ZDHHC8: variants seen among roughly 807,000 people sequenced by gnomAD.
ZDHHC8 encodes the protein palmitoyltransferase ZDHHC8.
ZDHHC8 carries 24 observed loss-of-function variants against 61.2 expected under a neutral mutation model. The observed-to-expected ratio is 0.39, with a 90% CI of 0.28 to 0.55. ZDHHC8 has a LOEUF of 0.55. Among genes scored for constraint, ZDHHC8 ranks in the 20% least tolerant of loss-of-function variants. The pLI, the probability that ZDHHC8 is intolerant of heterozygous loss-of-function variation, is 0.60. For missense variants in ZDHHC8, 935 were observed against 1,102.1 expected, an observed-to-expected ratio of 0.85 and a Z score of 2.15; for synonymous variants, 523 against 492.5, an observed-to-expected ratio of 1.06 and a Z score of -0.82.
intron 1 of ZDHHC8, among the ~76,000 whole-genome samples, chr22:20,134,593 T>C (rs1238480405): frequency 1.3e-5 from 2 of 152,236 alleles, no homozygotes; most frequent in Non-Finnish European, 2.9e-5. Context: ...CTTCACTGTT[T>C]GCTCCTCGGA....
rs2050537074 is a variant in ZDHHC8 at position 20,147,308 on chromosome 22, T to C, written c.*1908T>C. The C allele has an allele frequency of 1.6e-5, 22 of 1,334,582 alleles. No homozygotes were observed. Among genetic ancestry groups the C allele is most frequent in the Non-Finnish European group, 2.1e-5 (21 of 1,022,944 alleles). 82.7% of individuals were successfully genotyped at this position (1,334,582 alleles called of 1,614,324 possible). A position where few individuals can be genotyped will look rare whatever the true frequency, so the allele number is the denominator to read the frequency against. ...CAGGAGGTCAGACTGCAGTGGACCC[T>C]GGGGCAGGGCTGGGGGTGGGCTGGG... On this transcript the variant is annotated 3_prime_UTR_variant, in exon 11 of 11. Transcript: ENST00000334554.
At chr22:20,137,345 C>T (rs888259799) in intron 1 of ZDHHC8, among the ~76,000 whole-genome samples, 50 of 152,248 alleles carry the variant, frequency 3.3e-4, no homozygotes, top group African/African-American at 1.1e-3. Flanking sequence ...GATGGGCGAA[C>T]ACACCCCCAA....
At chr22:20,135,237 C>T (rs1244669566) in intron 1 of ZDHHC8, among the ~76,000 whole-genome samples, 2 of 152,142 alleles carry the variant, frequency 1.3e-5, no homozygotes, top group East Asian at 3.9e-4. Context: ...GATCACTGCT[C>T]CCGGCCCCTT....
chr22:20,136,744 T>C (rs985906382), intron 1 of ZDHHC8, among the ~76,000 whole-genome samples: 1 of 152,220 alleles, frequency 6.6e-6, no homozygotes, highest in African/African-American at 2.4e-5. Flanking sequence ...TATGCAGACA[T>C]GATTGCATGT....
chr22:20,146,259 A>G lies in ZDHHC8; in HGVS notation c.*859A>G. 1 of 985,528 alleles carries G rather than the reference A, an allele frequency of 1.0e-6. No homozygotes were observed. The highest frequency in any genetic ancestry group is 1.2e-6 in the Non-Finnish European group (1 of 829,916). 61.0% of individuals were successfully genotyped at this position (985,528 alleles called of 1,614,324 possible). A position where few individuals can be genotyped will look rare whatever the true frequency, so the allele number is the denominator to read the frequency against. ...AAACTGGAGAACCCCACCCCAAGGC[A>G]TGCCACGTCCGCAGCCCCGGCCTGG... On this transcript the variant is annotated 3_prime_UTR_variant, in exon 11 of 11. Transcript: ENST00000334554.
intron 1 of ZDHHC8, among the ~76,000 whole-genome samples, chr22:20,133,884 G>A (rs1192821525): frequency 6.6e-6 from 1 of 152,212 alleles, no homozygotes; most frequent in Non-Finnish European, 1.5e-5. Context: ...GCTGTGTGGT[G>A]GCTGCAGCTG....
Position 20,143,673 on chromosome 22 carries a change from C to T in ZDHHC8, c.2043C>T (p.His681=), listed in dbSNP as rs2050496691. 1.9e-6 allele frequency: 3 copies of T among 1,609,842 alleles called. No homozygotes were observed. The highest frequency in any genetic ancestry group is 2.7e-5 in the African/African-American group (2 of 75,016). The change falls in exon 10 of 11, where the codon CAC becomes CAT. Residue 681 remains histidine, a synonymous_variant. Transcript: ENST00000334554. ...TGCCCTCCCCGCCCGGCACTCCCCA[C>T]TCACCATCCTACGCGGGCCCCAAAG... The part of the protein sequence containing the change: ...QGLPSPPGTP[H]SPSYAGPKAV...
chr22:20,131,820 T>TCCGCCGCCG lies in ZDHHC8; in HGVS notation c.-111_-103dup, dbSNP rs545014283. On this transcript the variant is annotated 5_prime_UTR_variant, in exon 1 of 11. Coordinates refer to ENST00000334554, the MANE Select transcript of ZDHHC8 (RefSeq NM_013373.4). ...CCGCCGCCCGTGGGGTGGGATTTCCTCCGCCGCCGCCGCCGCCGCCGCCGC... is the reference window on the plus strand; with the variant it reads ...CCGCCGCCCGTGGGGTGGGATTTCCTCCGCCGCCGCCGCCGCCGCCGCCGCCGCCGCCGC... 1.3e-4 allele frequency: 35 copies of TCCGCCGCCG among 260,030 alleles called. No individual in the cohort carries two copies. Among genetic ancestry groups the TCCGCCGCCG allele is most frequent in the East Asian group, 1.7e-4 (1 of 5,788 alleles). The allele number at this position is 260,030 out of a possible 1,614,324, so 16.1% of individuals were successfully genotyped here.
Position 20,147,170 on chromosome 22 carries a change from G to A in ZDHHC8, c.*1770G>A. 1 of 1,529,324 alleles carries A rather than the reference G, an allele frequency of 6.5e-7. No homozygotes were observed. Among genetic ancestry groups the A allele is most frequent in the Admixed American group, 2.1e-5 (1 of 48,060 alleles). 94.7% of individuals were successfully genotyped at this position (1,529,324 alleles called of 1,614,324 possible). ...CAGGCCGCCGGGGCACCCCCACGCG[G>A]GGCCATGTGCCGCCTGCACTTGGCT... is the stretch of plus-strand genomic sequence containing the variant. On this transcript the variant is annotated 3_prime_UTR_variant, in exon 11 of 11. Transcript: ENST00000334554.
At chr22:20,132,882 C>T (rs1568990165) in intron 1 of ZDHHC8, among the ~76,000 whole-genome samples, 1 of 152,224 alleles carries the variant, frequency 6.6e-6, no homozygotes, top group East Asian at 1.9e-4. Flanking sequence ...GTTGGGGGCT[C>T]CAGGCTTCGG....
chr22:20,147,176 T>C lies in ZDHHC8; in HGVS notation c.*1776T>C. On this transcript the variant is annotated 3_prime_UTR_variant, in exon 11 of 11. Coordinates refer to ENST00000334554, the MANE Select transcript of ZDHHC8 (RefSeq NM_013373.4). The stretch of plus-strand genomic sequence containing the variant: ...GCCGGGGCACCCCCACGCGGGGCCA[T>C]GTGCCGCCTGCACTTGGCTGCCTCC... 3.3e-6 allele frequency: 5 copies of C among 1,524,890 alleles called. No individual in the cohort carries two copies. The highest frequency in any genetic ancestry group is 4.4e-6 in the Non-Finnish European group (5 of 1,135,648). The allele number at this position is 1,524,890 out of a possible 1,614,324, so 94.5% of individuals were successfully genotyped here.
At chr22:20,132,812 C>A (rs933691704) in intron 1 of ZDHHC8, among the ~76,000 whole-genome samples, 5 of 152,262 alleles carry the variant, frequency 3.3e-5, no homozygotes, top group Non-Finnish European at 5.9e-5. Flanking sequence ...GGCATGCGGA[C>A]AGCACAGCCT....
rs768225071 is a variant in ZDHHC8, at chr22:20,143,412, C to G, written c.1782C>G (p.Ser594=). ...SYSLQQASVL[S]EGPRGPALRY... ...GCCTGCAGCAGGCCAGTGTGCTGTCCGAGGGCCCCCGAGGTCCCGCGCTGC... is the reference window on the plus strand; with the variant it reads ...GCCTGCAGCAGGCCAGTGTGCTGTCGGAGGGCCCCCGAGGTCCCGCGCTGC... Residue 594 remains serine (S), a synonymous_variant, in exon 10 of 11, where the codon TCC becomes TCG. Transcript: ENST00000334554. The G allele has an allele frequency of 6.3e-7, 1 of 1,591,156 alleles. No homozygotes were observed. The highest frequency in any genetic ancestry group is 8.5e-7 in the Non-Finnish European group (1 of 1,173,950).
In ZDHHC8 at chr22:20,140,133, G is replaced by C. The variant is rs1465782756; in HGVS notation, c.576G>C (p.Val192=). The part of the protein sequence containing the change: ...HTTITMAVMC[V]AGLFFIPVIG... ...GGGCTAGCATGGCTGTCATGTGTGT[G>C]GCCGGCCTCTTCTTCATCCCTGTCA... The change falls in exon 5 of 11, where the codon GTG becomes GTC. Residue 192 remains valine (V), a synonymous_variant. Coordinates refer to ENST00000334554, the MANE Select transcript of ZDHHC8 (RefSeq NM_013373.4). 4.3e-6 allele frequency: 7 copies of C among 1,613,614 alleles called. No homozygotes were observed. The highest frequency in any genetic ancestry group is 1.3e-5 in the African/African-American group (1 of 74,944).
intron 1 of ZDHHC8, among the ~76,000 whole-genome samples, chr22:20,134,365 A>C (rs2148002399): frequency 6.6e-6 from 1 of 152,256 alleles, no homozygotes; most frequent in South Asian, 2.1e-4. Context: ...GTTCCTGAGA[A>C]GGGGTTCTGT....
rs376658694 is a variant in ZDHHC8 at position 20,142,952 on chromosome 22, G to A, written c.1322G>A (p.Arg441Gln). The A allele has an allele frequency of 3.4e-5, 55 of 1,600,960 alleles. No homozygotes were observed. The highest frequency in any genetic ancestry group is 2.5e-4 in the East Asian group (11 of 44,568). The change falls in exon 10 of 11, where the codon CGG becomes CAG. Residue 441 changes from arginine to glutamine, a missense_variant. Physicochemically the swap from Arg to Gln is conservative, Grantham distance 43. Coordinates refer to ENST00000334554, the MANE Select transcript of ZDHHC8 (RefSeq NM_013373.4). ...CTGAGCCTCAAGGCCTCGAGCCGGC[G>A]GGGCGGGGATCATGTGGCCCTGCAG... The part of the protein sequence containing the change: ...RSLSLKASSR[R>Q]GGDHVALQPL...
intron 10 of ZDHHC8, among the ~76,000 whole-genome samples, chr22:20,144,481 A>G (rs1185392062): frequency 2.0e-5 from 3 of 152,186 alleles, no homozygotes; most frequent in Non-Finnish European, 2.9e-5. Context: ...GGGCCTGGAA[A>G]CCTCAAGCAC....
chr22:20,141,523 G>C lies in ZDHHC8; in HGVS notation c.1118G>C (p.Gly373Ala). The C allele has an allele frequency of 1.9e-6, 3 of 1,611,620 alleles. No homozygotes were observed. The highest frequency in any genetic ancestry group is 2.5e-6 in the Non-Finnish European group (3 of 1,179,424). The change falls in exon 9 of 11, where the codon GGC (glycine) becomes GCC (alanine). Residue 373 changes from glycine to alanine, a missense_variant. This residue lies in a region of ZDHHC8 where 692 missense variants were observed against 731.4 expected (regional missense o/e 0.95). Coordinates refer to ENST00000334554, the MANE Select transcript of ZDHHC8 (RefSeq NM_013373.4). ...CCCAAGGTGCCCTTCTGTGGACCAG[G>C]CGAGCAGGTAAGGAGGCCTAGCCTG... The part of the protein sequence containing the change: ...TGPKVPFCGP[G>A]EQVPGPDSLT...
At position 20,143,718 on chromosome 22, in the gene ZDHHC8, G is replaced by A. The variant is rs1295838189; in HGVS notation, c.2088G>A (p.Thr696=). 4 of 1,610,066 alleles carry A rather than the reference G, an allele frequency of 2.5e-6. No homozygotes were observed. The highest frequency in any genetic ancestry group is 4.5e-5 in the East Asian group (2 of 44,818). Residue 696 remains threonine, a synonymous_variant, in exon 10 of 11, where the codon ACG becomes ACA. Transcript: ENST00000334554. ...CCAAAGCTGTCGCCTTCATCCACACGGACCTCCCAGAGCCACCGCCCTCGC... is the reference window on the plus strand; with the variant it reads ...CCAAAGCTGTCGCCTTCATCCACACAGACCTCCCAGAGCCACCGCCCTCGC... ...AGPKAVAFIH[T]DLPEPPPSLT... is the part of the protein sequence containing the mutation.
Sources: allele counts gnomAD v4.1 joint callset (sites outside exome capture counted in the v4.1 genomes callset), GRCh38; gene constraint gnomAD v4.1.1; regional missense constraint gnomAD v4.1.1; transcripts MANE v1.5; gene names NCBI Gene and HGNC (gene_info 2026-07-23, HGNC 2026-07-21).